The following DLG2 variants were observed in gnomAD, a reference collection of about 807,000 sequenced individuals.
DLG2 encodes disks large homolog 2.
In DLG2, 45 loss-of-function variants were observed where a neutral mutation model predicts 132.5. The ratio of observed to expected loss-of-function variants is 0.34; its 90% CI spans 0.27 to 0.44. DLG2 has a LOEUF of 0.44. DLG2 is among the 20% of genes least tolerant of loss of function. The pLI is 1.00. For synonymous variants in DLG2, 424 were observed against 419.6 expected, an observed-to-expected ratio of 1.01 and a Z score of -0.13; for missense variants, 1,045 against 1,196.9, an observed-to-expected ratio of 0.87 and a Z score of 1.87.
chr11:84,017,773 A>T (rs1319571261), intron 11 of DLG2, among the ~76,000 whole-genome samples: 2 of 152,006 alleles, frequency 1.3e-5, no homozygotes, highest in African/African-American at 4.8e-5. Flanking sequence ...AGCTCATAAC[A>T]ATAATTACAA....
intron 6 of DLG2, among the ~76,000 whole-genome samples, chr11:84,822,096 G>T (rs200687638): frequency 2.6e-5 from 3 of 113,850 alleles, no homozygotes; most frequent in African/African-American, 6.9e-5. Context: ...AATATCCTTT[G>T]CCCTCCAAAA....
At chr11:84,654,210 T>C (rs557330949) in intron 6 of DLG2, among the ~76,000 whole-genome samples, 55 of 152,248 alleles carry the variant, frequency 3.6e-4, no homozygotes, top group African/African-American at 1.3e-3. Context: ...CTCCTTGAAG[T>C]GAAGATTTTT....
chr11:84,502,402 CTTTCTTTCTTT>C (rs2099221831), intron 7 of DLG2, among the ~76,000 whole-genome samples: 1 of 96,582 alleles, frequency 1.0e-5, no homozygotes, highest in Non-Finnish European at 2.0e-5. Flanking sequence ...TTCTTTCTTT[CTTTCTTTCTTT>C]CTATACAGAG....
At chr11:85,616,881 G>A (rs947862) in intron 2 of DLG2, among the ~76,000 whole-genome samples, 19,430 of 151,942 alleles carry the variant, frequency 0.13, 1,504 homozygotes, top group East Asian at 0.29. Flanking sequence ...TCCATGACTC[G>A]GACATATCAA....
chr11:85,232,719 T>A (rs1205229296), intron 4 of DLG2, among the ~76,000 whole-genome samples: 3 of 151,966 alleles, frequency 2.0e-5, no homozygotes, highest in Non-Finnish European at 4.4e-5. Context: ...CTCTCACTGT[T>A]CTACTCTAAA....
chr11:84,243,017 C>CTCTCTCTA (rs542476924), intron 8 of DLG2, among the ~76,000 whole-genome samples: 2,683 of 142,060 alleles, frequency 0.019, 27 homozygotes, highest in Non-Finnish European at 0.029. Context: ...CTCTCTCTCT[C>CTCTCTCTA]TATATATATA....
intron 15 of DLG2, among the ~76,000 whole-genome samples, chr11:83,878,254 T>C (rs2065263606): frequency 6.6e-6 from 1 of 152,226 alleles, no homozygotes; most frequent in African/African-American, 2.4e-5. Flanking sequence ...CATTCGCAGC[T>C]CAGGGTTGGC....
At chr11:84,726,727 C>T (rs1437130080) in intron 6 of DLG2, among the ~76,000 whole-genome samples, 2 of 152,284 alleles carry the variant, frequency 1.3e-5, no homozygotes, top group East Asian at 3.9e-4. Flanking sequence ...TACACTCCCA[C>T]CAACAGTGTA....
intron 6 of DLG2, among the ~76,000 whole-genome samples, chr11:84,625,624 CTT>C (rs2099621281): frequency 6.6e-6 from 1 of 152,146 alleles, no homozygotes; most frequent in South Asian, 2.1e-4. Context: ...AATATTGAAA[CTT>C]CAGATGGAAA....
chr11:83,764,120 G>T (rs890435893), intron 18 of DLG2, among the ~76,000 whole-genome samples: 2 of 152,202 alleles, frequency 1.3e-5, no homozygotes, highest in Non-Finnish European at 2.9e-5. Flanking sequence ...ATGAATGGGA[G>T]TATGCCTCAT....
chr11:84,516,959 G>C (rs998909185), intron 7 of DLG2, among the ~76,000 whole-genome samples: 4 of 136,484 alleles, frequency 2.9e-5, no homozygotes, highest in Admixed American at 2.3e-4. Flanking sequence ...TAGGGGAAAA[G>C]ATTCGCATGT....
At chr11:85,417,630 T>C (rs1234398798) in intron 3 of DLG2, among the ~76,000 whole-genome samples, 1 of 152,200 alleles carries the variant, frequency 6.6e-6, no homozygotes, top group Admixed American at 6.6e-5. Context: ...GAGCTTGTTA[T>C]TGGTCTATTC....
At chr11:83,678,453 C>G (rs906890620) in intron 18 of DLG2, among the ~76,000 whole-genome samples, 2 of 152,140 alleles carry the variant, frequency 1.3e-5, no homozygotes, top group Non-Finnish European at 2.9e-5. Context: ...CTACAAAAGA[C>G]CTTTCATGCA....
intron 6 of DLG2, among the ~76,000 whole-genome samples, chr11:84,942,072 G>A (rs1048192114): frequency 1.3e-5 from 2 of 152,076 alleles, no homozygotes; most frequent in Admixed American, 6.5e-5. Context: ...ATTAGACTTT[G>A]AACTTCGGTG....
intron 3 of DLG2, among the ~76,000 whole-genome samples, chr11:85,572,101 G>A (rs2077876719): frequency 1.3e-5 from 2 of 152,178 alleles, no homozygotes; most frequent in South Asian, 2.1e-4. Flanking sequence ...CAAGCTTTTG[G>A]TTAATTTCCA....
At chr11:84,554,881 G>A (rs914872607) in intron 6 of DLG2, among the ~76,000 whole-genome samples, 3 of 152,146 alleles carry the variant, frequency 2.0e-5, no homozygotes, top group Non-Finnish European at 4.4e-5. Flanking sequence ...GAAGTCAGAG[G>A]AATGAGAATA....
chr11:83,483,199 C>G, intron 22 of DLG2: 3 of 1,513,808 alleles, frequency 2.0e-6, no homozygotes, highest in Non-Finnish European at 1.8e-6. Context: ...AAGCCAAACT[C>G]AAAAGGAAAG....
chr11:84,818,621 T>G (rs1259243574), intron 6 of DLG2, among the ~76,000 whole-genome samples: 1 of 151,980 alleles, frequency 6.6e-6, no homozygotes, highest in Non-Finnish European at 1.5e-5. Context: ...TATCTAATTT[T>G]GTAATTACAA....
At chr11:83,544,993 T>C (rs1257950374) in intron 19 of DLG2, among the ~76,000 whole-genome samples, 19 of 152,148 alleles carry the variant, frequency 1.2e-4, no homozygotes, top group Non-Finnish European at 2.9e-5. Context: ...TGAAACTCCC[T>C]TACTGCTCAG....
Sources: allele counts gnomAD v4.1 joint callset (sites outside exome capture counted in the v4.1 genomes callset), GRCh38; gene constraint gnomAD v4.1.1; transcripts MANE v1.5; gene names NCBI Gene and HGNC (gene_info 2026-07-23, HGNC 2026-07-21).